Variants in CTSH observed in about 807,000 individuals in gnomAD.
CTSH encodes pro-cathepsin H.
A neutral mutation model predicts 56.3 loss-of-function variants in CTSH; 52 were observed. That is an observed-to-expected ratio of 0.92 (90% confidence interval 0.74 to 1.16). CTSH has a LOEUF of 1.16. Ranked by LOEUF, CTSH falls within the 50% of genes most tolerant of loss-of-function variation. The pLI is 0.00. For synonymous variants in CTSH, 174 were observed against 155.7 expected, an observed-to-expected ratio of 1.12 and a Z score of -0.88; for missense variants, 406 against 424.5, an observed-to-expected ratio of 0.96 and a Z score of 0.38.
Position 78,935,064 on chromosome 15 carries a change from T to C in CTSH, c.319A>G (p.Ser107Gly). 6.2e-7 allele frequency: 1 copy of C among 1,613,588 alleles called. No homozygotes were observed. The highest frequency in any genetic ancestry group is 8.5e-7 in the Non-Finnish European group (1 of 1,179,458). Residue 107 changes from serine (S) to glycine (G), a missense_variant, in exon 5 of 12, where the codon AGT (serine) becomes GGT (glycine). Coordinates refer to ENST00000220166, the MANE Select transcript of CTSH (RefSeq NM_004390.5). ...GGACCAGTACCTCGAAGGTAGTTAC[T>C]TTTGGTGGCTGAGCAATTCTGGAAC... ...SEPQNCSATKSNYLRGTGPYP... is the reference protein window; with the variant it reads ...SEPQNCSATKGNYLRGTGPYP...
Position 78,932,398 on chromosome 15 carries a change from T to C in CTSH, c.466A>G (p.Ile156Val), listed in dbSNP as rs1219073904. The change falls in exon 6 of 12, where the codon ATC becomes GTC. Residue 156 changes from isoleucine to valine, a missense_variant. Ile to Val is a conservative substitution (Grantham distance 29, BLOSUM62 3). Transcript: ENST00000220166. ...TTGALESAIA[I>V]ATGKMLSLAE... Reference sequence around the variant, plus strand: ...AAGGACAGCATCTTTCCGGTTGCGATGGCGATCGCAGACTCCAGGGCCCCA... The same window carrying C: ...AAGGACAGCATCTTTCCGGTTGCGACGGCGATCGCAGACTCCAGGGCCCCA... The C allele has an allele frequency of 5.0e-6, 8 of 1,613,998 alleles. No homozygotes were observed. The highest frequency in any genetic ancestry group is 2.7e-5 in the African/African-American group (2 of 74,920).
At chr15:78,922,888 A>G (rs2054802906) in intron 11 of CTSH, 105 bp downstream of exon 11, 1 of 1,400,404 alleles carries the variant, frequency 7.1e-7, no homozygotes, top group South Asian at 1.4e-5. Flanking sequence ...TTGGCTGACC[A>G]GCTCGTCTGT....
chr15:78,925,519 G>T, intron 9 of CTSH, 79 bp from the exon 10 acceptor site: 2 of 956,368 alleles, frequency 2.1e-6, no homozygotes, highest in Non-Finnish European at 3.3e-6. Flanking sequence ...TTTGCCTCAA[G>T]CTAGGGGCTA....
At chr15:78,931,363 C>A in intron 7 of CTSH, 88 bp downstream of exon 7, 1 of 1,555,666 alleles carries the variant, frequency 6.4e-7, no homozygotes, top group South Asian at 1.1e-5. Context: ...TGGGTTATAT[C>A]TGTGGCAGAC....
intron 2 of CTSH, chr15:78,937,867 G>A (rs1393182614): frequency 2.5e-6 from 3 of 1,197,298 alleles, no homozygotes; most frequent in South Asian, 2.6e-5. Flanking sequence ...TATAACTGAT[G>A]TACTTTTTTT....
intron 10 of CTSH, among the ~76,000 whole-genome samples, chr15:78,923,324 C>G (rs1364116027): frequency 1.3e-5 from 2 of 152,212 alleles, no homozygotes. Context: ...GAGTCTCACT[C>G]TGTTGCCCAG....
intron 5 of CTSH, among the ~76,000 whole-genome samples, chr15:78,932,763 A>G (rs1596281225): frequency 6.6e-6 from 1 of 151,860 alleles, no homozygotes; most frequent in Non-Finnish European, 1.5e-5. Flanking sequence ...ACTCCCAATC[A>G]CCACCTCTTG....
intron 1 of CTSH, among the ~76,000 whole-genome samples, chr15:78,941,179 C>T (rs1224271668): frequency 3.3e-5 from 5 of 151,886 alleles, no homozygotes; most frequent in Admixed American, 6.6e-5. Context: ...GTAATCCCAG[C>T]ACTTTGGGAG....
At position 78,931,461 on chromosome 15, in the gene CTSH, C is replaced by T. The variant is rs1244678889; in HGVS notation, c.538G>A (p.Gly180Ser). 20 of 1,614,050 alleles carry T rather than the reference C, an allele frequency of 1.2e-5. No individual in the cohort carries two copies. Among genetic ancestry groups the T allele is most frequent in the East Asian group, 2.2e-5 (1 of 44,884 alleles). Reference protein sequence around the residue: ...VDCAQDFNNHGCQGGLPSQAF... With the variant: ...VDCAQDFNNHSCQGGLPSQAF... ...TGGTCAGAGACGTACCCTTGGCAGC[C>T]GTGATTATTGAAGTCCTGGGCGCAG... The change falls in exon 7 of 12, where the codon GGC becomes AGC. Residue 180 changes from glycine to serine, a missense_variant. Transcript: ENST00000220166.
intron 1 of CTSH, among the ~76,000 whole-genome samples, chr15:78,944,254 G>A (rs189545810): frequency 7.4e-4 from 112 of 152,302 alleles, no homozygotes; most frequent in South Asian, 1.9e-3. Context: ...GCCTGAGCCC[G>A]GGCAGTAGAC....
intron 6 of CTSH, chr15:78,931,906 C>A (rs749747847): frequency 8.3e-7 from 1 of 1,199,402 alleles, no homozygotes; most frequent in Non-Finnish European, 1.0e-6. Flanking sequence ...ATCACCAGGC[C>A]GGCTGTGCAC....
At chr15:78,937,561 G>A (rs2055202776) in intron 2 of CTSH, 138 bp from the exon 3 acceptor site, 4 of 1,330,916 alleles carry the variant, frequency 3.0e-6, no homozygotes, top group South Asian at 1.5e-5. Context: ...GTTAATGGGC[G>A]GGGTACTGCT....
At chr15:78,923,198 G>A in intron 10 of CTSH, 80 bp from the exon 11 acceptor site, 3 of 1,500,486 alleles carry the variant, frequency 2.0e-6, no homozygotes, top group Non-Finnish European at 2.7e-6. Flanking sequence ...ACGCCTCTTT[G>A]AGCGCTTTAG....
chr15:78,939,299 T>C (rs1455067152), intron 1 of CTSH, 128 bp from the exon 2 acceptor site: 6 of 667,754 alleles, frequency 9.0e-6, no homozygotes, highest in Non-Finnish European at 1.5e-5. Context: ...CCAAAAATGG[T>C]GTTATATAAT....
intron 9 of CTSH, chr15:78,927,500 A>AT: frequency 1.8e-6 from 1 of 571,128 alleles, no homozygotes; most frequent in Non-Finnish European, 3.1e-6. Flanking sequence ...TCTGGAGTTC[A>AT]GAACCAGAGG....
In CTSH at chr15:78,922,127, G is replaced by T; in HGVS notation, c.*3C>A. The T allele has an allele frequency of 6.4e-7, 1 of 1,564,642 alleles. No homozygotes were observed. Among genetic ancestry groups the T allele is most frequent in the East Asian group, 2.4e-5 (1 of 42,490 alleles). On this transcript the variant is annotated 3_prime_UTR_variant, in exon 12 of 12. Coordinates refer to ENST00000220166, the MANE Select transcript of CTSH (RefSeq NM_004390.5). ...CGCCAGTCTGCGCTGCGGCTGCCAC[G>T]GCTCACACCAGAGGGATGGGGTAGG...
chr15:78,924,445 G>GA (rs965092472), intron 10 of CTSH, among the ~76,000 whole-genome samples: 2 of 152,122 alleles, frequency 1.3e-5, no homozygotes, highest in African/African-American at 2.4e-5. Flanking sequence ...CTCAGGGAGG[G>GA]AGAGGAGAGC....
chr15:78,933,577 C>T (rs1236953069), intron 5 of CTSH: 3 of 454,512 alleles, frequency 6.6e-6, no homozygotes, highest in South Asian at 4.7e-5. Flanking sequence ...GAGGGACGGC[C>T]TGGTGAGAGG....
Position 78,944,921 on chromosome 15 carries a change from C to G in CTSH, c.61G>C (p.Gly21Arg). 1 of 1,548,630 alleles carries G rather than the reference C, an allele frequency of 6.5e-7. No individual in the cohort carries two copies. The highest frequency in any genetic ancestry group is 8.7e-7 in the Non-Finnish European group (1 of 1,146,142). Reference sequence around the variant, plus strand: ...GAGTTCACGCACAGTTCGGCGGCACCGCAGACGGGGACTCCCAGGAGCCAG... The same window carrying G: ...GAGTTCACGCACAGTTCGGCGGCACGGCAGACGGGGACTCCCAGGAGCCAG... ...GAWLLGVPVC[G>R]AAELCVNSLE... is the part of the protein sequence containing the mutation. The change falls in exon 1 of 12, where the codon GGT becomes CGT. Residue 21 changes from glycine (G) to arginine (R), a missense_variant. Transcript: ENST00000220166.
Sources: allele counts gnomAD v4.1 joint callset (sites outside exome capture counted in the v4.1 genomes callset), GRCh38; gene constraint gnomAD v4.1.1; transcripts MANE v1.5; gene names NCBI Gene and HGNC (gene_info 2026-07-23, HGNC 2026-07-21).